The following ANXA4 variants were observed in gnomAD, a reference collection of about 807,000 sequenced individuals.
ANXA4 encodes the protein 35-beta calcimedin.
Under a neutral mutation model 49.8 loss-of-function variants are expected in ANXA4, and 39 were observed. That is an observed-to-expected ratio of 0.78 (90% CI 0.61 to 1.02). The LOEUF (loss-of-function observed/expected upper bound fraction) is 1.02. Ranked by LOEUF, ANXA4 falls within the 50% of genes least tolerant of loss-of-function variation. ANXA4 has a pLI of 0.00. For missense variants in ANXA4, 360 were observed against 410.1 expected (o/e 0.88, Z 1.05); for synonymous variants, 134 against 152.5 (o/e 0.88, Z 0.89).
intron 2 of ANXA4, among the ~76,000 whole-genome samples, chr2:69,681,003 G>A (rs540336688): frequency 6.6e-6 from 1 of 152,106 alleles, no homozygotes; most frequent in Non-Finnish European, 1.5e-5. Context: ...TTGGTATAAG[G>A]ATAATGCTGG....
intron 2 of ANXA4, among the ~76,000 whole-genome samples, chr2:69,695,035 A>G (rs1678115401): frequency 2.0e-5 from 3 of 152,102 alleles, no homozygotes; most frequent in Non-Finnish European, 4.4e-5. Context: ...CCAGCTACTC[A>G]GGAGGCTGAG....
At chr2:69,781,457 C>T (rs1348416207) in intron 1 of ANXA4, 63 bp from the exon 2 acceptor site, 2 of 1,378,800 alleles carry the variant, frequency 1.5e-6, no homozygotes, top group Admixed American at 3.5e-5. Context: ...GCAAGTTATC[C>T]TGATTAATGA....
intron 2 of ANXA4, among the ~76,000 whole-genome samples, chr2:69,701,873 T>G (rs1291433166): frequency 6.6e-6 from 1 of 152,214 alleles, no homozygotes; most frequent in Non-Finnish European, 1.5e-5. Context: ...TCTTGGGCTT[T>G]CTTTTTCTTA....
intron 2 of ANXA4, among the ~76,000 whole-genome samples, chr2:69,712,220 A>G (rs1480228835): frequency 1.3e-5 from 2 of 152,062 alleles, no homozygotes; most frequent in Admixed American, 1.3e-4. Context: ...CATACCCCTC[A>G]CACTAAAATA....
intron 2 of ANXA4, among the ~76,000 whole-genome samples, chr2:69,683,863 T>C (rs535228369): frequency 6.6e-6 from 1 of 152,260 alleles, no homozygotes; most frequent in South Asian, 2.1e-4. Context: ...TGAACCTAGA[T>C]TTCATATCTC....
In ANXA4 at chr2:69,647,420, A is replaced by ATTTT. The variant is rs1553425509; in HGVS notation, n.481+2518_481+2521dup. ...TATTTATTTATTTATTTATTTATTT[A>ATTTT]TTTTTTGAGACAGAGTCTCACTCTG... On this transcript the variant is annotated intron_variant and non_coding_transcript_variant, in intron 1 of 3. Coordinates refer to the ANXA4 transcript ENST00000418066. 1.2e-3 allele frequency among the ~76,000 whole-genome samples: 165 copies of ATTTT among 138,976 alleles called. 1 individual carries two copies. The Middle Eastern group carries it at 0.014, about 12-fold the overall frequency. 91.2% of individuals were successfully genotyped at this position (138,976 alleles called of 152,430 possible).
chr2:69,732,080 C>G (rs1670118099), intron 3 of ANXA4, among the ~76,000 whole-genome samples: 1 of 146,802 alleles, frequency 6.8e-6, no homozygotes, highest in South Asian at 2.1e-4. Flanking sequence ...TGGGTTCATG[C>G]CATTCTCCTG....
chr2:69,770,259 G>C (rs1331311660), intron 1 of ANXA4, among the ~76,000 whole-genome samples: 1 of 151,798 alleles, frequency 6.6e-6, no homozygotes, highest in Non-Finnish European at 1.5e-5. Context: ...TAAGTTCCAA[G>C]AAAAAAAGAA....
At chr2:69,654,400 A>G (rs1676361693) in intron 2 of ANXA4, among the ~76,000 whole-genome samples, 1 of 152,182 alleles carries the variant, frequency 6.6e-6, no homozygotes, top group South Asian at 2.1e-4. Context: ...TTGCCCATTC[A>G]ATATGATATT....
intron 3 of ANXA4, among the ~76,000 whole-genome samples, chr2:69,723,185 T>C (rs1271365206): frequency 1.3e-4 from 14 of 109,000 alleles, no homozygotes; most frequent in Non-Finnish European, 2.3e-4. Context: ...AGCAAGACTG[T>C]CTCAAAAAAA....
intron 1 of ANXA4, among the ~76,000 whole-genome samples, chr2:69,744,473 A>T (rs1670532778): frequency 6.6e-6 from 1 of 152,172 alleles, no homozygotes; most frequent in African/African-American, 2.4e-5. Flanking sequence ...AAAACAAGAA[A>T]CCTCAAAAAC....
At chr2:69,761,639 A>G (rs1301465351) in intron 1 of ANXA4, among the ~76,000 whole-genome samples, 1 of 152,110 alleles carries the variant, frequency 6.6e-6, no homozygotes, top group Non-Finnish European at 1.5e-5. Flanking sequence ...CTTAAAACGT[A>G]GCTGGGTGCA....
intron 2 of ANXA4, among the ~76,000 whole-genome samples, chr2:69,711,581 G>C (rs569195747): frequency 2.6e-5 from 4 of 152,224 alleles, no homozygotes; most frequent in Non-Finnish European, 5.9e-5. Flanking sequence ...CACCTTGATC[G>C]TGGTGGTGGT....
intron 2 of ANXA4, among the ~76,000 whole-genome samples, chr2:69,714,619 T>A (rs1297377222): frequency 6.6e-6 from 1 of 152,308 alleles, no homozygotes; most frequent in East Asian, 1.9e-4. Context: ...CCACAGCTCC[T>A]ATACATGGGA....
chr2:69,812,870 T>G (rs1673770195), intron 8 of ANXA4, among the ~76,000 whole-genome samples, 161 bp downstream of exon 8: 1 of 152,190 alleles, frequency 6.6e-6, no homozygotes, highest in South Asian at 2.1e-4. Context: ...ACAGGTTTCT[T>G]GCAGAGGTAC....
chr2:69,648,228 G>A (rs1341652340), intron 1 of ANXA4, among the ~76,000 whole-genome samples: 1 of 152,188 alleles, frequency 6.6e-6, no homozygotes, highest in Non-Finnish European at 1.5e-5. Context: ...AGGCTGAGCA[G>A]GATTAGAGTC....
At chr2:69,751,234 G>T (rs1431334305) in intron 1 of ANXA4, among the ~76,000 whole-genome samples, 1 of 152,062 alleles carries the variant, frequency 6.6e-6, no homozygotes, top group Non-Finnish European at 1.5e-5. Context: ...GGTTAAAAGT[G>T]GGGGAATCAG....
chr2:69,806,539 A>G (rs992070319), intron 5 of ANXA4, 41 bp downstream of exon 5: 4 of 1,514,246 alleles, frequency 2.6e-6, no homozygotes, highest in Non-Finnish European at 3.7e-6. Context: ...CTGTTGGTGC[A>G]AACGCTGATG....
chr2:69,680,803 AT>A (rs1209348749), intron 2 of ANXA4, among the ~76,000 whole-genome samples: 1 of 152,162 alleles, frequency 6.6e-6, no homozygotes, highest in African/African-American at 2.4e-5. Context: ...AATGTATCAC[AT>A]TTATTGATTG....
Sources: allele counts gnomAD v4.1 joint callset (sites outside exome capture counted in the v4.1 genomes callset), GRCh38; gene constraint gnomAD v4.1.1; transcripts MANE v1.5; gene names NCBI Gene and HGNC (gene_info 2026-07-23, HGNC 2026-07-21).